CACNA2D3: variants seen among roughly 807,000 people sequenced by gnomAD.
The protein encoded by CACNA2D3 is voltage-dependent calcium channel subunit alpha-2/delta-3.
CACNA2D3 carries 60 observed loss-of-function variants against 160.6 expected under a neutral mutation model. That is an observed-to-expected ratio of 0.37 (90% CI 0.30 to 0.46). The LOEUF is 0.46. Ranked by LOEUF, CACNA2D3 falls within the 20% of genes least tolerant of loss-of-function variation. CACNA2D3 has a pLI of 1.00. For missense variants in CACNA2D3, 1,205 were observed against 1,365.0 expected (o/e 0.88, Z 1.85); for synonymous variants, 558 against 492.9 (o/e 1.13, Z -1.75).
At chr3:54,679,856 T>G (rs1016742088) in intron 11 of CACNA2D3, among the ~76,000 whole-genome samples, 13 of 152,250 alleles carry the variant, frequency 8.5e-5, no homozygotes, top group African/African-American at 3.1e-4. Flanking sequence ...AAATTACCTT[T>G]TTGGCAATTG....
At chr3:54,988,896 C>T (rs1033403293) in intron 31 of CACNA2D3, among the ~76,000 whole-genome samples, 7 of 152,188 alleles carry the variant, frequency 4.6e-5, no homozygotes, top group Admixed American at 4.6e-4. Context: ...CTCAGGCCTG[C>T]CTGTAGCAGA....
intron 2 of CACNA2D3, among the ~76,000 whole-genome samples, chr3:54,151,712 A>G (rs1700154870): frequency 6.6e-6 from 1 of 152,162 alleles, no homozygotes; most frequent in Admixed American, 6.5e-5. Context: ...AGCAGTTGGC[A>G]TACTTATTCT....
At chr3:54,689,522 CTT>C (rs1215791930) in intron 11 of CACNA2D3, among the ~76,000 whole-genome samples, 1 of 152,114 alleles carries the variant, frequency 6.6e-6, no homozygotes, top group Non-Finnish European at 1.5e-5. Flanking sequence ...TCAGACTTCT[CTT>C]GTCCAAAGTT....
chr3:54,386,618 A>G, intron 3 of CACNA2D3, 97 bp from the exon 4 acceptor site: 1 of 1,121,588 alleles, frequency 8.9e-7, no homozygotes, highest in African/African-American at 1.6e-5. Flanking sequence ...TGTATGAACC[A>G]CGATATAATA....
At chr3:54,599,249 G>A (rs1703019076) in intron 9 of CACNA2D3, among the ~76,000 whole-genome samples, 1 of 152,160 alleles carries the variant, frequency 6.6e-6, no homozygotes, top group South Asian at 2.1e-4. Context: ...CATACTCTGA[G>A]GGAGAGGAAA....
intron 35 of CACNA2D3, among the ~76,000 whole-genome samples, chr3:55,046,501 T>C (rs1575450491): frequency 1.5e-5 from 1 of 67,378 alleles, no homozygotes; most frequent in South Asian, 5.6e-4. Context: ...CAGTCTATCG[T>C]TGGACATTTG....
chr3:54,689,853 T>C (rs1215556701), intron 11 of CACNA2D3, among the ~76,000 whole-genome samples: 1 of 152,152 alleles, frequency 6.6e-6, no homozygotes, highest in Non-Finnish European at 1.5e-5. Context: ...CAGAGTGATT[T>C]GTTTAAAATG....
chr3:54,502,731 T>C (rs1418212353), intron 4 of CACNA2D3, among the ~76,000 whole-genome samples: 1 of 152,238 alleles, frequency 6.6e-6, no homozygotes, highest in Non-Finnish European at 1.5e-5. Flanking sequence ...TATTCCTAAG[T>C]GTCCTCATTT....
intron 13 of CACNA2D3, among the ~76,000 whole-genome samples, chr3:54,775,260 G>A (rs11927886): frequency 0.13 from 19,055 of 152,118 alleles, 1,627 homozygotes; most frequent in Non-Finnish European, 0.18. Flanking sequence ...GGTAGAATCC[G>A]AAACCAATCC....
chr3:54,230,781 A>G (rs1701754027), intron 2 of CACNA2D3, among the ~76,000 whole-genome samples: 1 of 152,236 alleles, frequency 6.6e-6, no homozygotes, highest in African/African-American at 2.4e-5. Context: ...ATATAGGTAG[A>G]TGTAGATAAA....
At chr3:55,007,751 C>G (rs917816287) in intron 32 of CACNA2D3, 39 bp from the exon 33 acceptor site, 1 of 1,350,224 alleles carries the variant, frequency 7.4e-7, no homozygotes, top group African/African-American at 1.5e-5. Flanking sequence ...ATTTTGTGTG[C>G]ACTACATTGT....
chr3:54,364,783 C>T (rs535389352), intron 3 of CACNA2D3, among the ~76,000 whole-genome samples: 13 of 152,200 alleles, frequency 8.5e-5, no homozygotes, highest in African/African-American at 1.4e-4. Flanking sequence ...TGCAAAGAAG[C>T]GGAAAGAGGA....
At chr3:54,871,703 G>A in intron 18 of CACNA2D3, 81 bp downstream of exon 18, 2 of 1,055,138 alleles carry the variant, frequency 1.9e-6, no homozygotes, top group East Asian at 4.8e-5. Flanking sequence ...CCCAGGAGTT[G>A]GCCAAGAGGC....
At chr3:54,339,893 C>T (rs984740994) in intron 3 of CACNA2D3, among the ~76,000 whole-genome samples, 4 of 152,038 alleles carry the variant, frequency 2.6e-5, no homozygotes, top group Non-Finnish European at 5.9e-5. Context: ...CCCTAATTTT[C>T]TTGTGACTTT....
At chr3:54,581,737 A>G (rs1702681358) in intron 8 of CACNA2D3, 66 bp from the exon 9 acceptor site, 1 of 1,334,164 alleles carries the variant, frequency 7.5e-7, no homozygotes, top group African/African-American at 1.4e-5. Flanking sequence ...GTACCTCCTT[A>G]AATTATTAAG....
chr3:54,616,547 A>G lies in CACNA2D3; in HGVS notation c.964-11240A>G, dbSNP rs972060977. ...AGACACCAACCCCTGGTGTAATGTA[A>G]GAGGGCCCAACACAAGGGTCTGCGT... On this transcript the variant is annotated intron_variant, in intron 9 of 37. Transcript: ENST00000474759. Among the ~76,000 whole-genome samples, 6 of 152,194 alleles carry G rather than the reference A, an allele frequency of 3.9e-5. No homozygotes were observed. The South Asian group carries it at 8.3e-4, about 21-fold the overall frequency.
rs150204013 is a variant in CACNA2D3, at chr3:54,776,994, A to G, written c.1380+12643A>G. Among the ~76,000 whole-genome samples, 379 of 152,282 alleles carry G rather than the reference A, an allele frequency of 2.5e-3. 1 individual carries two copies. The highest frequency in any genetic ancestry group is 8.6e-3 in the African/African-American group (358 of 41,570). On this transcript the variant is annotated intron_variant, in intron 13 of 37. Transcript: ENST00000474759. ...TCTCAGAGCTGATTCTCATGCTTTG[A>G]CATGGTTTAGACTAAAATGAACACA...
chr3:54,616,798 T>A (rs1217673877), intron 9 of CACNA2D3, among the ~76,000 whole-genome samples: 1 of 152,232 alleles, frequency 6.6e-6, no homozygotes, highest in African/African-American at 2.4e-5. Flanking sequence ...TCAAGTGATG[T>A]GAATTCATTC....
Position 54,570,770 on chromosome 3 carries a change from A to G in CACNA2D3, c.888+666A>G, listed in dbSNP as rs139967770. Among the ~76,000 whole-genome samples, 328 of 152,198 alleles carry G rather than the reference A, an allele frequency of 2.2e-3. 2 individuals are homozygous for G. The highest frequency in any genetic ancestry group is 0.01 in the Middle Eastern group (3 of 294). The stretch of plus-strand genomic sequence containing the variant: ...CTTGTCCAGGTCACAAGGCTGGCAA[A>G]TGGGAGATCAGGGAACCAAGCCTGA... On this transcript the variant is annotated intron_variant, in intron 8 of 37. Coordinates refer to ENST00000474759, the MANE Select transcript of CACNA2D3 (RefSeq NM_018398.3).
Sources: gnomAD v4.1 joint callset for allele counts (sites outside exome capture counted in the v4.1 genomes callset) on GRCh38, gnomAD v4.1.1 for gene constraint, MANE v1.5 for transcripts, NCBI Gene and HGNC (gene_info 2026-07-23, HGNC 2026-07-21) for gene names.